RIN2: variants seen among roughly 807,000 people sequenced by gnomAD.
The protein encoded by RIN2 is Ras and Rab interactor 2, also known as RAB5 interacting protein 2.
RIN2 carries 36 observed loss-of-function variants against 78.0 expected under a neutral mutation model. That is an observed-to-expected ratio of 0.46 (90% CI 0.35 to 0.61). RIN2 has a LOEUF of 0.61. Ranked by LOEUF, RIN2 falls within the 20% of genes least tolerant of loss-of-function variation. The pLI, the probability that RIN2 is intolerant of heterozygous loss-of-function variation, is 0.00. For synonymous variants in RIN2, 466 were observed against 466.8 expected, an observed-to-expected ratio of 1.00 and a Z score of 0.02; for missense variants, 1,087 against 1,159.7, an observed-to-expected ratio of 0.94 and a Z score of 0.91.
chr20:19,938,133 GTTC>G (rs533107276), intron 4 of RIN2, among the ~76,000 whole-genome samples: 2 of 152,264 alleles, frequency 1.3e-5, no homozygotes, highest in East Asian at 3.9e-4. Context: ...GCCCTGGCTG[GTTC>G]TTCTTTATCT....
chr20:19,994,115 C>T (rs2042884006), intron 11 of RIN2, among the ~76,000 whole-genome samples: 1 of 152,210 alleles, frequency 6.6e-6, no homozygotes, highest in African/African-American at 2.4e-5. Context: ...ACAAGAAAGA[C>T]AAGGGCACAG....
At chr20:19,886,485 TTAGCGCC>T (rs376114133) in intron 2 of RIN2, 225 of 542,336 alleles carry the variant, frequency 4.1e-4, no homozygotes, top group African/African-American at 3.6e-3. Context: ...CCTTTGTCCA[TTAGCGCC>T]GACCAACGCG....
At chr20:19,897,906 G>A (rs546530335) in intron 3 of RIN2, among the ~76,000 whole-genome samples, 8 of 152,198 alleles carry the variant, frequency 5.3e-5, no homozygotes, top group East Asian at 1.9e-4. Context: ...TAGAGACAGG[G>A]TCTCACTTCG....
At chr20:19,923,482 A>T (rs1281841322) in intron 3 of RIN2, among the ~76,000 whole-genome samples, 1 of 142,110 alleles carries the variant, frequency 7.0e-6, no homozygotes, top group Non-Finnish European at 1.5e-5. Flanking sequence ...ATAAAATAAA[A>T]TAAAATAAAT....
At chr20:19,886,262 T>C (rs988761564) in intron 2 of RIN2, among the ~76,000 whole-genome samples, 7 of 152,126 alleles carry the variant, frequency 4.6e-5, no homozygotes, top group African/African-American at 1.7e-4. Context: ...GTAGAATGGG[T>C]TGGGGAGCCA....
chr20:19,773,754 A>G (rs927725355), intron 1 of RIN2, among the ~76,000 whole-genome samples: 1 of 152,042 alleles, frequency 6.6e-6, no homozygotes, highest in Non-Finnish European at 1.5e-5. Flanking sequence ...GCTGAGGTGC[A>G]TGAGAGGCCA....
intron 3 of RIN2, among the ~76,000 whole-genome samples, chr20:19,894,681 T>C (rs2038637189): frequency 6.6e-6 from 1 of 152,236 alleles, no homozygotes; most frequent in Non-Finnish European, 1.5e-5. Flanking sequence ...CTCATGTGAC[T>C]TTGTGTAAAG....
At chr20:19,911,282 A>G (rs1022745345) in intron 3 of RIN2, among the ~76,000 whole-genome samples, 1 of 151,978 alleles carries the variant, frequency 6.6e-6, no homozygotes, top group Admixed American at 6.6e-5. Flanking sequence ...CGAACTCCTG[A>G]CCTCAGATGA....
At chr20:19,960,835 G>A in intron 6 of RIN2, 24 bp downstream of exon 6, 1 of 1,466,778 alleles carries the variant, frequency 6.8e-7, no homozygotes, top group Non-Finnish European at 9.4e-7. Context: ...GGATGCTCAG[G>A]TCCTGACTGA....
chr20:19,939,428 A>G (rs1039620876), intron 4 of RIN2, among the ~76,000 whole-genome samples: 4 of 152,184 alleles, frequency 2.6e-5, no homozygotes, highest in African/African-American at 9.7e-5. Flanking sequence ...CTCTGCTTCT[A>G]CCAGTTCCAC....
At chr20:19,987,316 C>T (rs6046519) in intron 9 of RIN2, among the ~76,000 whole-genome samples, 1,852 of 152,274 alleles carry the variant, frequency 0.012, 31 homozygotes, top group African/African-American at 0.042. Flanking sequence ...TTTGTCCTCC[C>T]GTGGTGACCC....
intron 4 of RIN2, among the ~76,000 whole-genome samples, chr20:19,950,181 G>A (rs930169463): frequency 6.6e-6 from 1 of 152,204 alleles, no homozygotes; most frequent in African/African-American, 2.4e-5. Context: ...ATTGGAATGG[G>A]TGGAGGCTGT....
At chr20:19,996,874 G>A (rs760772082) in intron 12 of RIN2, 32 bp downstream of exon 12, 121 of 1,539,410 alleles carry the variant, frequency 7.9e-5, no homozygotes, top group East Asian at 3.9e-4. Context: ...TGCTTCCTTC[G>A]TCCTCCAGGA....
At chr20:19,806,596 A>G (rs78636801) in intron 2 of RIN2, among the ~76,000 whole-genome samples, 8,358 of 152,176 alleles carry the variant, frequency 0.055, 439 homozygotes, top group African/African-American at 0.13. Context: ...AAACATCTCC[A>G]AACTCAGTAG....
chr20:19,795,057 A>C (rs2035011124), intron 1 of RIN2, among the ~76,000 whole-genome samples: 1 of 152,212 alleles, frequency 6.6e-6, no homozygotes, highest in Admixed American at 6.5e-5. Context: ...TCAATAACCC[A>C]TTTAAAACAC....
chr20:19,995,250 T>TG, intron 11 of RIN2, among the ~76,000 whole-genome samples: 1 of 141,704 alleles, frequency 7.1e-6, no homozygotes, highest in East Asian at 2.0e-4. Context: ...TGCCAGTGTC[T>TG]GTTTTTTTTT....
intron 2 of RIN2, among the ~76,000 whole-genome samples, chr20:19,812,783 ATAG>A (rs2122820861): frequency 6.6e-6 from 1 of 152,350 alleles, no homozygotes; most frequent in South Asian, 2.1e-4. Context: ...TTTGTTAAAA[ATAG>A]TCATTGTCTG....
rs2037510309 is a variant in RIN2, at chr20:19,866,469, A to G, written c.-36-23097A>G. ...GACTCCACAGGGCTGGGGAGTGCAG[A>G]GAGACATGTTACATCTTTAAACCTT... On this transcript the variant is annotated intron_variant, in intron 2 of 12. Transcript: ENST00000255006. Among the ~76,000 whole-genome samples the G allele has an allele frequency of 2.0e-5, 3 of 152,208 alleles. No homozygotes were observed. In the South Asian group the frequency reaches 6.2e-4, roughly 32 times the overall value.
intron 2 of RIN2, among the ~76,000 whole-genome samples, chr20:19,835,812 T>G (rs927397853): frequency 1.3e-5 from 2 of 152,192 alleles, no homozygotes; most frequent in Non-Finnish European, 2.9e-5. Flanking sequence ...GGAAAATCTC[T>G]CCTCTCCATG....
Sources: gnomAD v4.1 joint callset for allele counts (sites outside exome capture counted in the v4.1 genomes callset) on GRCh38, gnomAD v4.1.1 for gene constraint, MANE v1.5 for transcripts, NCBI Gene and HGNC (gene_info 2026-07-23, HGNC 2026-07-21) for gene names.